Variants in KLHL1 observed in about 807,000 individuals in gnomAD.
KLHL1 encodes the protein kelch like family member 1, also known as kelch-like protein 1.
Under a neutral mutation model 77.7 loss-of-function variants are expected in KLHL1, and 47 were observed. The ratio of observed to expected loss-of-function variants is 0.60; its 90% CI spans 0.48 to 0.77. The LOEUF (loss-of-function observed/expected upper bound fraction) is 0.77. Among genes scored for constraint, KLHL1 ranks in the 30% least tolerant of loss-of-function variants. KLHL1 has a pLI of 0.00. For synonymous variants in KLHL1, 360 were observed against 325.2 expected (o/e 1.11, Z -1.15); for missense variants, 925 against 910.8 (o/e 1.02, Z -0.20).
At position 70,107,601 on chromosome 13, in the gene KLHL1, C is replaced by T. The variant is rs139358653; in HGVS notation, c.99G>A (p.Ala33=). Residue 33 remains alanine, a synonymous_variant, in exon 1 of 11, where the codon GCG becomes GCA. Transcript: ENST00000377844. ...CGTCCTGTTGCAGGCAGCCTCCCCCCGCCGGGCCGCCGGTGGAAGGAGACG... is the reference window on the plus strand; with the variant it reads ...CGTCCTGTTGCAGGCAGCCTCCCCCTGCCGGGCCGCCGGTGGAAGGAGACG... ...SHPSPSTGGP[A]GGGCLQQDGS... 3,881 of 1,593,632 alleles carry T rather than the reference C, an allele frequency of 2.4e-3. 5 individuals are homozygous for T. Among genetic ancestry groups the T allele is most frequent in the Non-Finnish European group, 2.9e-3 (3,436 of 1,170,214 alleles).
intron 1 of KLHL1, among the ~76,000 whole-genome samples, chr13:70,091,076 A>T (rs998422166): frequency 3.3e-5 from 5 of 151,702 alleles, no homozygotes; most frequent in Non-Finnish European, 7.4e-5. Context: ...ATGACTCTCA[A>T]CCTCAGCTTT....
At chr13:69,964,748 C>G (rs1479457364) in intron 2 of KLHL1, among the ~76,000 whole-genome samples, 1 of 151,896 alleles carries the variant, frequency 6.6e-6, no homozygotes, top group African/African-American at 2.4e-5. Flanking sequence ...CTTTATATTC[C>G]TGATTGCTTT....
chr13:70,045,182 GA>G (rs368393505), intron 1 of KLHL1, among the ~76,000 whole-genome samples: 26 of 151,996 alleles, frequency 1.7e-4, no homozygotes, highest in East Asian at 1.6e-3. Context: ...GTTTTTCTAA[GA>G]AAAAAATAGA....
intron 7 of KLHL1, among the ~76,000 whole-genome samples, chr13:69,795,103 T>A (rs1877045106): frequency 6.6e-6 from 1 of 152,176 alleles, no homozygotes; most frequent in South Asian, 2.1e-4. Context: ...GGAAGCACTC[T>A]GCCTCATCGG....
chr13:69,716,063 A>G (rs1279853900), intron 9 of KLHL1, among the ~76,000 whole-genome samples: 1 of 152,154 alleles, frequency 6.6e-6, no homozygotes, highest in Admixed American at 6.6e-5. Context: ...ACCAAATTTT[A>G]TGATATTCTG....
At chr13:70,079,387 T>G (rs1887340274) in intron 1 of KLHL1, among the ~76,000 whole-genome samples, 1 of 152,242 alleles carries the variant, frequency 6.6e-6, no homozygotes, top group Admixed American at 6.5e-5. Flanking sequence ...ACCCATGGCA[T>G]GTATGCTATG....
At chr13:69,763,933 T>A (rs117109948) in intron 7 of KLHL1, among the ~76,000 whole-genome samples, 56 of 152,356 alleles carry the variant, frequency 3.7e-4, no homozygotes, top group Non-Finnish European at 7.3e-4. Context: ...AGTAACCATT[T>A]TTTTTTCTAT....
intron 6 of KLHL1, among the ~76,000 whole-genome samples, chr13:69,812,490 A>G (rs1313684355): frequency 6.6e-6 from 1 of 152,184 alleles, no homozygotes; most frequent in Non-Finnish European, 1.5e-5. Flanking sequence ...TAATTAAACT[A>G]AAGAGCTTCT....
At chr13:69,709,671 G>A (rs1190111723) in intron 9 of KLHL1, among the ~76,000 whole-genome samples, 1 of 151,410 alleles carries the variant, frequency 6.6e-6, no homozygotes, top group South Asian at 2.1e-4. Context: ...CATTATTTTT[G>A]TTTGTTTCTG....
intron 7 of KLHL1, among the ~76,000 whole-genome samples, chr13:69,789,121 C>A (rs1390738111): frequency 6.6e-6 from 1 of 152,000 alleles, no homozygotes; most frequent in Non-Finnish European, 1.5e-5. Flanking sequence ...AAATCTGTAT[C>A]TATCCTCTAA....
At chr13:70,070,750 G>A (rs1208833811) in intron 1 of KLHL1, among the ~76,000 whole-genome samples, 5 of 152,048 alleles carry the variant, frequency 3.3e-5, no homozygotes, top group Admixed American at 2.0e-4. Flanking sequence ...TCTAGCTCAT[G>A]GATAAGCTAA....
intron 1 of KLHL1, among the ~76,000 whole-genome samples, chr13:70,071,469 T>C (rs1319388260): frequency 6.6e-6 from 1 of 151,424 alleles, no homozygotes; most frequent in African/African-American, 2.4e-5. Flanking sequence ...TGTAAAATAG[T>C]GGTTGAACTA....
chr13:70,026,060 A>C (rs2137358999), intron 1 of KLHL1, among the ~76,000 whole-genome samples: 1 of 152,230 alleles, frequency 6.6e-6, no homozygotes, highest in East Asian at 1.9e-4. Context: ...CTGAAGTTAA[A>C]GGCAAAGAGG....
intron 10 of KLHL1, among the ~76,000 whole-genome samples, chr13:69,707,305 G>C (rs1479718370): frequency 1.3e-5 from 2 of 151,876 alleles, no homozygotes; most frequent in African/African-American, 4.8e-5. Flanking sequence ...ATAAGTTAAG[G>C]TTTTGTGAAC....
At chr13:69,818,992 G>GT (rs1878234189) in intron 6 of KLHL1, among the ~76,000 whole-genome samples, 1 of 152,156 alleles carries the variant, frequency 6.6e-6, no homozygotes, top group Non-Finnish European at 1.5e-5. Flanking sequence ...ACAGAGAATT[G>GT]TAAGTGTATC....
chr13:69,998,543 AC>A (rs1472328097), intron 1 of KLHL1, among the ~76,000 whole-genome samples: 1 of 152,110 alleles, frequency 6.6e-6, no homozygotes, highest in Admixed American at 6.6e-5. Flanking sequence ...GAAAGAGTGA[AC>A]AGGTCTAGAA....
chr13:69,776,380 T>C (rs1467662356), intron 7 of KLHL1, among the ~76,000 whole-genome samples: 1 of 152,202 alleles, frequency 6.6e-6, no homozygotes, highest in African/African-American at 2.4e-5. Flanking sequence ...CAGAGAATTC[T>C]AGAACAAGCT....
At chr13:69,720,973 C>T (rs148523432) in intron 8 of KLHL1, among the ~76,000 whole-genome samples, 1 of 124,878 alleles carries the variant, frequency 8.0e-6, no homozygotes, top group South Asian at 3.1e-4. Context: ...CTGGGACTCC[C>T]AAATCACTAA....
chr13:69,944,740 G>A (rs865926507), intron 3 of KLHL1, among the ~76,000 whole-genome samples: 1 of 152,078 alleles, frequency 6.6e-6, no homozygotes, highest in East Asian at 1.9e-4. Context: ...GGAAATACAC[G>A]GACCTATATA....
Sources: gnomAD v4.1 joint callset for allele counts (sites outside exome capture counted in the v4.1 genomes callset) on GRCh38, gnomAD v4.1.1 for gene constraint, MANE v1.5 for transcripts, NCBI Gene and HGNC (gene_info 2026-07-23, HGNC 2026-07-21) for gene names.